CSNK1G3: variants seen among roughly 807,000 people sequenced by gnomAD.
CSNK1G3 encodes casein kinase 1 gamma 3, also known as casein kinase I isoform gamma-3.
In CSNK1G3, 23 loss-of-function variants were observed where a neutral mutation model predicts 64.3. The ratio of observed to expected loss-of-function variants is 0.36; its 90% confidence interval spans 0.26 to 0.51. CSNK1G3 has a LOEUF of 0.51. Among genes scored for constraint, CSNK1G3 ranks in the 20% least tolerant of loss-of-function variants. The pLI is 0.96. For synonymous variants in CSNK1G3, 158 were observed against 162.2 expected (o/e 0.97, Z 0.20); for missense variants, 357 against 510.5 (o/e 0.70, Z 2.90).
chr5:123,530,840 TTACAGTTAA>T (rs1461430071), intron 1 of CSNK1G3, among the ~76,000 whole-genome samples: 1 of 152,170 alleles, frequency 6.6e-6, no homozygotes, highest in African/African-American at 2.4e-5. Context: ...ATTTTTGACA[TTACAGTTAA>T]TGATTTAGCT....
intron 4 of CSNK1G3, among the ~76,000 whole-genome samples, chr5:123,567,860 G>T (rs949844582): frequency 6.6e-6 from 1 of 152,094 alleles, no homozygotes; most frequent in Admixed American, 6.5e-5. Context: ...GAACCATTAC[G>T]GTCAACACAT....
At chr5:123,565,921 C>G (rs923135984) in intron 4 of CSNK1G3, among the ~76,000 whole-genome samples, 4 of 152,164 alleles carry the variant, frequency 2.6e-5, no homozygotes, top group Non-Finnish European at 4.4e-5. Context: ...CAGGCCCCAC[C>G]TTCAACACTG....
chr5:123,550,222 A>G (rs781314631), intron 2 of CSNK1G3, among the ~76,000 whole-genome samples: 1 of 152,242 alleles, frequency 6.6e-6, no homozygotes, highest in Non-Finnish European at 1.5e-5. Flanking sequence ...ATTTCACACG[A>G]CACAGACCAG....
At chr5:123,548,956 G>A (rs558916506) in intron 2 of CSNK1G3, among the ~76,000 whole-genome samples, 22 of 152,346 alleles carry the variant, frequency 1.4e-4, no homozygotes, top group Admixed American at 1.3e-3. Flanking sequence ...TCTCATGATT[G>A]TGTGGCTGAC....
chr5:123,564,508 G>A (rs1252520071), intron 4 of CSNK1G3, among the ~76,000 whole-genome samples: 1 of 152,040 alleles, frequency 6.6e-6, no homozygotes, highest in Admixed American at 6.6e-5. Flanking sequence ...AAGAAGAAAA[G>A]ATTTGTAAGC....
At chr5:123,558,772 G>A (rs953490389) in intron 4 of CSNK1G3, among the ~76,000 whole-genome samples, 1 of 152,154 alleles carries the variant, frequency 6.6e-6, no homozygotes, top group East Asian at 1.9e-4. Context: ...GGGATAAAAC[G>A]AATTATATGT....
chr5:123,521,057 C>T (rs1778009452), intron 1 of CSNK1G3, among the ~76,000 whole-genome samples: 1 of 151,810 alleles, frequency 6.6e-6, no homozygotes, highest in Non-Finnish European at 1.5e-5. Context: ...ACTACAGGAC[C>T]TTTTAATAAA....
chr5:123,613,449 TATA>T (rs1457763978), intron 12 of CSNK1G3, among the ~76,000 whole-genome samples: 7 of 151,502 alleles, frequency 4.6e-5, no homozygotes, highest in Non-Finnish European at 8.8e-5. Flanking sequence ...GTATGTATAA[TATA>T]ATATATGTGT....
At chr5:123,545,393 A>G (rs528182291) in intron 1 of CSNK1G3, 24 bp from the exon 2 acceptor site, 27 of 277,058 alleles carry the variant, frequency 9.7e-5, no homozygotes, top group African/African-American at 5.4e-4. Flanking sequence ...TTAGTTGACT[A>G]ATTTCCTTTT....
At chr5:123,545,025 ATTTTAT>A (rs1345047861) in intron 1 of CSNK1G3, among the ~76,000 whole-genome samples, 1 of 152,076 alleles carries the variant, frequency 6.6e-6, no homozygotes, top group Non-Finnish European at 1.5e-5. Context: ...TTATTAAGGT[ATTTTAT>A]TTTTATAATT....
chr5:123,548,483 A>G (rs1465940828), intron 2 of CSNK1G3, among the ~76,000 whole-genome samples: 1 of 149,466 alleles, frequency 6.7e-6, no homozygotes, highest in African/African-American at 2.5e-5. Context: ...AAAAAAGGCC[A>G]TGAGATGAAA....
At chr5:123,513,684 G>A (rs186999507) in intron 1 of CSNK1G3, among the ~76,000 whole-genome samples, 47 of 152,242 alleles carry the variant, frequency 3.1e-4, no homozygotes, top group Admixed American at 1.6e-3. Flanking sequence ...CTATATCTAA[G>A]ATGGGATATA....
intron 4 of CSNK1G3, among the ~76,000 whole-genome samples, chr5:123,571,807 G>A (rs1485736292): frequency 1.3e-5 from 2 of 152,042 alleles, no homozygotes; most frequent in African/African-American, 4.8e-5. Flanking sequence ...GACATTTGTG[G>A]TGGAAGAAGT....
At chr5:123,534,415 A>G (rs908183033) in intron 1 of CSNK1G3, among the ~76,000 whole-genome samples, 1 of 152,098 alleles carries the variant, frequency 6.6e-6, no homozygotes. Context: ...GTGTTGGAGC[A>G]GGATACAAAG....
intron 1 of CSNK1G3, among the ~76,000 whole-genome samples, chr5:123,539,322 G>C (rs1781316296): frequency 1.3e-5 from 2 of 151,834 alleles, no homozygotes; most frequent in African/African-American, 4.8e-5. Flanking sequence ...GTGTGTGTCT[G>C]TGGTCTCAGC....
At chr5:123,522,329 T>C (rs1032304312) in intron 1 of CSNK1G3, among the ~76,000 whole-genome samples, 2 of 151,838 alleles carry the variant, frequency 1.3e-5, no homozygotes, top group African/African-American at 4.8e-5. Flanking sequence ...GGTGAAATCC[T>C]GTCTCTACTA....
chr5:123,529,293 A>G (rs1779551936), intron 1 of CSNK1G3, among the ~76,000 whole-genome samples: 1 of 152,224 alleles, frequency 6.6e-6, no homozygotes, highest in South Asian at 2.1e-4. Flanking sequence ...GGCTGGCGGA[A>G]CATAACTCTG....
chr5:123,558,532 ACATTC>A (rs1466301329), intron 4 of CSNK1G3, among the ~76,000 whole-genome samples: 1 of 152,190 alleles, frequency 6.6e-6, no homozygotes, highest in African/African-American at 2.4e-5. Context: ...AAGCATGTTT[ACATTC>A]TAGTGGGTAG....
In CSNK1G3 at chr5:123,605,672, A is replaced by G. The variant is rs531991464; in HGVS notation, c.1217+310A>G. On this transcript the variant is annotated intron_variant, in intron 12 of 12. Coordinates refer to ENST00000345990, the Ensembl canonical transcript of CSNK1G3. Reference sequence around the variant, plus strand: ...TGTTTTATAATAGTTTTTATTTGCTATTTAAATAGAAAGATAGATTTTTGC... The same window carrying G: ...TGTTTTATAATAGTTTTTATTTGCTGTTTAAATAGAAAGATAGATTTTTGC... 3.3e-5 allele frequency among the ~76,000 whole-genome samples: 5 copies of G among 152,182 alleles called. No individual in the cohort carries two copies. In the South Asian group the frequency reaches 6.2e-4, roughly 19 times the overall value.
Sources: gnomAD v4.1 joint callset for allele counts (sites outside exome capture counted in the v4.1 genomes callset) on GRCh38, gnomAD v4.1.1 for gene constraint, MANE v1.5 for transcripts, NCBI Gene and HGNC (gene_info 2026-07-23, HGNC 2026-07-21) for gene names.